BCAS1: variants seen among roughly 807,000 people sequenced by gnomAD.
The protein encoded by BCAS1 is brain enriched myelin associated protein 1.
In BCAS1, 46 loss-of-function variants were observed where a neutral mutation model predicts 65.4. That is an observed-to-expected ratio of 0.70 (90% confidence interval 0.55 to 0.90). The LOEUF (loss-of-function observed/expected upper bound fraction) is 0.90. Ranked by LOEUF, BCAS1 falls within the 40% of genes least tolerant of loss-of-function variation. The pLI is 0.00. For missense variants in BCAS1, 793 were observed against 771.2 expected (o/e 1.03, Z -0.33); for synonymous variants, 298 against 293.5 (o/e 1.02, Z -0.16).
chr20:54,055,988 G>C (rs1055803308), intron 3 of BCAS1, among the ~76,000 whole-genome samples: 1 of 152,160 alleles, frequency 6.6e-6, no homozygotes, highest in Non-Finnish European at 1.5e-5. Flanking sequence ...ATCTAAAAAA[G>C]TTGAATTCAT....
At chr20:54,009,804 A>G (rs1468186314) in intron 4 of BCAS1, among the ~76,000 whole-genome samples, 3 of 152,224 alleles carry the variant, frequency 2.0e-5, no homozygotes, top group Non-Finnish European at 4.4e-5. Context: ...AATATGCCTC[A>G]TGAGTATAGA....
intron 3 of BCAS1, among the ~76,000 whole-genome samples, chr20:54,051,848 C>T (rs2092220075): frequency 6.6e-6 from 1 of 151,976 alleles, no homozygotes; most frequent in Admixed American, 6.6e-5. Context: ...AAGAGATTCT[C>T]CTTCCTCAAC....
At chr20:53,951,926 C>T (rs188291450) in intron 12 of BCAS1, among the ~76,000 whole-genome samples, 361 of 152,000 alleles carry the variant, frequency 2.4e-3, no homozygotes, top group African/African-American at 8.3e-3. Flanking sequence ...TGTGAATGTG[C>T]TTTAGATGGA....
rs1320481855 is a variant in BCAS1, at chr20:54,058,288, C to A, written c.73-134G>T. The A allele has an allele frequency of 3.6e-6, 3 of 823,188 alleles. No homozygotes were observed. The African/African-American group carries it at 5.1e-5, about 14-fold the overall frequency. The allele number at this position is 823,188 out of a possible 1,614,324, so 51.0% of individuals were successfully genotyped here. A position where few individuals can be genotyped will look rare whatever the true frequency, so the allele number is the denominator to read the frequency against. ...CTTAAAGGCTGTGTTTCTAGAAACT[C>A]CCCAGTTTTCTATCATGCCTTGGAG... On this transcript the variant is annotated intron_variant, in intron 2 of 12. Coordinates refer to ENST00000688948, the MANE Select transcript of BCAS1 (RefSeq NM_001366298.2).
chr20:53,991,541 A>G (rs1357370590), intron 7 of BCAS1, among the ~76,000 whole-genome samples: 1 of 152,176 alleles, frequency 6.6e-6, no homozygotes, highest in Non-Finnish European at 1.5e-5. Flanking sequence ...TGCTAACCCA[A>G]TTCAGGGATC....
At chr20:53,975,167 T>C (rs1203465186) in intron 9 of BCAS1, among the ~76,000 whole-genome samples, 1 of 152,230 alleles carries the variant, frequency 6.6e-6, no homozygotes, top group Non-Finnish European at 1.5e-5. Flanking sequence ...ATTTGTGCCC[T>C]GATTTTGCAT....
Position 54,028,855 on chromosome 20 carries a change from T to C in BCAS1, c.260A>G (p.Glu87Gly). 6.2e-7 allele frequency: 1 copy of C among 1,613,856 alleles called. No homozygotes were observed. Among genetic ancestry groups the C allele is most frequent in the South Asian group, 1.1e-5 (1 of 91,072 alleles). Residue 87 changes from glutamate to glycine, a missense_variant, in exon 4 of 13, where the codon GAG becomes GGG. Transcript: ENST00000688948. ...GKNLGKEAKP[E>G]APAAKSRFFL... Reference sequence around the variant, plus strand: ...AAAACGAGATTTAGCAGCTGGTGCCTCGGGTTTGGCCTCTTTCCCAAGATT... The same window carrying C: ...AAAACGAGATTTAGCAGCTGGTGCCCCGGGTTTGGCCTCTTTCCCAAGATT...
rs778740639 is a variant in BCAS1 at position 53,944,821 on chromosome 20, C to T, written c.*101G>A. On this transcript the variant is annotated 3_prime_UTR_variant, in exon 13 of 13. Coordinates refer to ENST00000688948, the MANE Select transcript of BCAS1 (RefSeq NM_001366298.2). ...TCTAGGCAGAATTTCATTTGCTGGC[C>T]ATCAGAAGAATATATACATGGAGCG... 1 of 1,096,536 alleles carries T rather than the reference C, an allele frequency of 9.1e-7. No individual in the cohort carries two copies. Among genetic ancestry groups the T allele is most frequent in the Non-Finnish European group, 1.4e-6 (1 of 710,916 alleles). The allele number at this position is 1,096,536 out of a possible 1,614,324, so 67.9% of individuals were successfully genotyped here. A position where few individuals can be genotyped will look rare whatever the true frequency, so the allele number is the denominator to read the frequency against.
Position 53,989,011 on chromosome 20 carries a change from A to G in BCAS1, c.1062+3501T>C, listed in dbSNP as rs547433418. ...TCTCAACAAGGGCAATATACAACAA[A>G]AAATAATATTGCATTTGTTCTTGGG... On this transcript the variant is annotated intron_variant, in intron 7 of 12. Transcript: ENST00000688948. Among the ~76,000 whole-genome samples the G allele has an allele frequency of 2.6e-5, 4 of 152,346 alleles. No individual in the cohort carries two copies. In the South Asian group the frequency reaches 8.3e-4, roughly 32 times the overall value.
At position 54,031,586 on chromosome 20, in the gene BCAS1, A is replaced by T. The variant is rs1211047289; in HGVS notation, c.143-2614T>A. ...TACTCCTATTAAAAAAGAGTTGCAA[A>T]CCAATAGGAGGTACACTTGAGAATC... is the stretch of plus-strand genomic sequence containing the variant. On this transcript the variant is annotated intron_variant, in intron 3 of 12. Coordinates refer to ENST00000688948, the MANE Select transcript of BCAS1 (RefSeq NM_001366298.2). Among the ~76,000 whole-genome samples, 3 of 151,364 alleles carry T rather than the reference A, an allele frequency of 2.0e-5. 1 individual carries two copies. The highest frequency in any genetic ancestry group is 6.6e-5 in the Admixed American group (1 of 15,138).
In BCAS1 at chr20:54,028,374, A is replaced by G; in HGVS notation, c.723+18T>C. 1.2e-6 allele frequency: 2 copies of G among 1,612,974 alleles called. No individual in the cohort carries two copies. The highest frequency in any genetic ancestry group is 1.7e-6 in the Non-Finnish European group (2 of 1,178,890). ...AGCATGCATTCAGAACCAAGTGGAT[A>G]CACCTTGGCACACTTACCTTCCCTG... is the stretch of plus-strand genomic sequence containing the variant. On this transcript the variant is annotated intron_variant, in intron 4 of 12. Transcript: ENST00000688948.
chr20:54,051,735 G>A (rs1342153373), intron 3 of BCAS1, among the ~76,000 whole-genome samples: 2 of 150,338 alleles, frequency 1.3e-5, no homozygotes, highest in African/African-American at 4.9e-5. Context: ...GTTTGTTGTT[G>A]TTGTTGTTGT....
At position 54,030,600 on chromosome 20, in the gene BCAS1, A is replaced by G. The variant is rs1438960669; in HGVS notation, c.143-1628T>C. Among the ~76,000 whole-genome samples, 4 of 151,708 alleles carry G rather than the reference A, an allele frequency of 2.6e-5. No homozygotes were observed. The East Asian group carries it at 7.7e-4, about 29-fold the overall frequency. ...CATTAATATGTAGTGAGAAATACAT[A>G]CACACACACATACACACACATGCAT... On this transcript the variant is annotated intron_variant, in intron 3 of 12. Transcript: ENST00000688948.
intron 3 of BCAS1, among the ~76,000 whole-genome samples, chr20:54,030,088 C>A (rs55671222): frequency 0.019 from 2,948 of 152,318 alleles, 38 homozygotes; most frequent in Middle Eastern, 0.058. Context: ...GGCAAGGGCA[C>A]TGTTTCCAAC....
At chr20:54,050,707 G>A (rs552227264) in intron 3 of BCAS1, among the ~76,000 whole-genome samples, 46 of 152,274 alleles carry the variant, frequency 3.0e-4, no homozygotes, top group African/African-American at 1.0e-3. Flanking sequence ...TGCCCTGGCC[G>A]TCCACGCTCT....
intron 1 of BCAS1, among the ~76,000 whole-genome samples, chr20:54,062,440 G>A (rs755033872): frequency 3.3e-5 from 5 of 152,130 alleles, no homozygotes; most frequent in Admixed American, 6.5e-5. Flanking sequence ...AAGGATACGC[G>A]CAAACACATA....
chr20:54,006,971 G>A (rs2091210812), intron 4 of BCAS1, among the ~76,000 whole-genome samples: 1 of 152,140 alleles, frequency 6.6e-6, no homozygotes, highest in South Asian at 2.1e-4. Context: ...GGGCTGCTAA[G>A]GAGAAAAGAA....
chr20:54,041,788 A>C (rs1468133716), intron 3 of BCAS1, among the ~76,000 whole-genome samples: 1 of 151,488 alleles, frequency 6.6e-6, no homozygotes, highest in Non-Finnish European at 1.5e-5. Flanking sequence ...AATCTCAGCT[A>C]CTTGGGAGGC....
At chr20:54,032,420 T>A (rs1230139601) in intron 3 of BCAS1, among the ~76,000 whole-genome samples, 1 of 151,186 alleles carries the variant, frequency 6.6e-6, no homozygotes, top group Admixed American at 6.6e-5. Flanking sequence ...ACATAACAAG[T>A]CTGCAAAATA....
Sources: gnomAD v4.1 joint callset for allele counts (sites outside exome capture counted in the v4.1 genomes callset) on GRCh38, gnomAD v4.1.1 for gene constraint, MANE v1.5 for transcripts, NCBI Gene and HGNC (gene_info 2026-07-23, HGNC 2026-07-21) for gene names.